NUP98: variants seen among roughly 807,000 people sequenced by gnomAD.
NUP98 encodes the protein nuclear pore complex protein Nup98-Nup96.
A neutral mutation model predicts 191.9 loss-of-function variants in NUP98; 26 were observed. That is an observed-to-expected ratio of 0.14 (90% CI 0.10 to 0.19). The LOEUF is 0.19. Ranked by LOEUF, NUP98 falls within the 10% of genes least tolerant of loss-of-function variation. NUP98 has a pLI of 1.00. For synonymous variants in NUP98, 808 were observed against 778.4 expected (o/e 1.04, Z -0.63); for missense variants, 1,941 against 2,178.8 (o/e 0.89, Z 2.17).
chr11:3,774,986 T>C (rs1254715409), intron 5 of NUP98, among the ~76,000 whole-genome samples: 1 of 152,216 alleles, frequency 6.6e-6, no homozygotes, highest in Non-Finnish European at 1.5e-5. Context: ...AGATTTCCAT[T>C]AGGCTAACTG....
rs561404562 is a variant in NUP98, at chr11:3,685,128, CAT to C, written c.4676+843_4676+844del. On this transcript the variant is annotated intron_variant, in intron 29 of 32. Transcript: ENST00000324932. ...TAATATATATGGTATACAATATAAA[CAT>C]GTGTAAAAGCACTTCAAGTACTACA... Among the ~76,000 whole-genome samples the C allele has an allele frequency of 6.9e-3, 1,034 of 149,354 alleles. 7 individuals carry two copies. The highest frequency in any genetic ancestry group is 0.01 in the Non-Finnish European group (691 of 67,344).
Position 3,686,055 on chromosome 11 carries a change from G to A in NUP98, c.4594C>T (p.Gln1532Ter). The A allele has an allele frequency of 6.2e-7, 1 of 1,614,206 alleles. No homozygotes were observed. Residue 1532 changes from glutamine (Q) to a stop codon, truncating the protein, a stop_gained, in exon 29 of 33, where the codon CAG becomes TAG. Transcript: ENST00000324932. LOFTEE classifies it high-confidence loss of function. ...HLSAQCEGVLQASYAGQLESE... is the reference protein window; with the variant it reads ...HLSAQCEGVL Reference sequence around the variant, plus strand: ...TCAAGCTGGCCAGCGTAACTGGCCTGTAGCACACCTTCACACTGCGCTGAG... The same window carrying A: ...TCAAGCTGGCCAGCGTAACTGGCCTATAGCACACCTTCACACTGCGCTGAG...
At chr11:3,699,404 A>G (rs756805799) in intron 24 of NUP98, 56 bp from the exon 25 acceptor site, 2 of 1,581,814 alleles carry the variant, frequency 1.3e-6, no homozygotes, top group Non-Finnish European at 8.7e-7. Context: ...ACAACTTCAC[A>G]GAGGGCATCC....
intron 11 of NUP98, among the ~76,000 whole-genome samples, chr11:3,746,294 AGACAGCTTTGGGAC>A (rs2080498217): frequency 2.3e-3 from 214 of 92,986 alleles, no homozygotes; most frequent in African/African-American, 5.0e-3. Context: ...AAAAAAAAAA[AGACAGCTTTGGGAC>A]AAAGAATAAG....
intron 23 of NUP98, among the ~76,000 whole-genome samples, chr11:3,702,130 C>G (rs1382439976): frequency 6.6e-6 from 1 of 151,806 alleles, no homozygotes; most frequent in Non-Finnish European, 1.5e-5. Context: ...CCCAGCTTAT[C>G]AGGAGGCTGA....
intron 9 of NUP98, among the ~76,000 whole-genome samples, chr11:3,762,306 G>A (rs908599156): frequency 1.3e-5 from 2 of 150,810 alleles, no homozygotes; most frequent in Admixed American, 1.3e-4. Flanking sequence ...ATTTTTAGGA[G>A]AGACGGGGTT....
Position 3,754,395 on chromosome 11 carries a change from T to C in NUP98, c.1175-987A>G, listed in dbSNP as rs569920819. On this transcript the variant is annotated intron_variant, in intron 10 of 32. Transcript: ENST00000324932. ...GAGCCAAGATCGTGCCACTGCACTC[T>C]AGCATGGATAGAGTGAGACTCTGTT... Among the ~76,000 whole-genome samples the C allele has an allele frequency of 3.9e-5, 6 of 152,192 alleles. No homozygotes were observed. The South Asian group carries it at 1.0e-3, about 26-fold the overall frequency.
intron 1 of NUP98, among the ~76,000 whole-genome samples, chr11:3,791,236 T>C (rs1270562031): frequency 1.3e-5 from 2 of 152,008 alleles, no homozygotes; most frequent in African/African-American, 4.8e-5. Flanking sequence ...ACTATGGTTA[T>C]TAAGATTTGG....
chr11:3,704,406 A>G (rs904165064), intron 22 of NUP98, among the ~76,000 whole-genome samples: 2 of 152,232 alleles, frequency 1.3e-5, no homozygotes, highest in Admixed American at 6.5e-5. Context: ...TCAAATATGT[A>G]ATCACTTCCC....
At chr11:3,688,059 T>C (rs987479277) in intron 28 of NUP98, among the ~76,000 whole-genome samples, 2 of 152,030 alleles carry the variant, frequency 1.3e-5, no homozygotes, top group South Asian at 2.1e-4. Context: ...GATGATTGTA[T>C]AGCAATGTGA....
At chr11:3,758,698 T>G (rs944038420) in intron 10 of NUP98, among the ~76,000 whole-genome samples, 2 of 151,800 alleles carry the variant, frequency 1.3e-5, no homozygotes, top group Admixed American at 1.3e-4. Flanking sequence ...GACAGGAAAA[T>G]CACTCCAACC....
At chr11:3,753,292 G>GATCT in intron 11 of NUP98, 24 bp downstream of exon 11, 1 of 1,567,408 alleles carries the variant, frequency 6.4e-7, no homozygotes, top group Non-Finnish European at 8.8e-7. Context: ...TCACTTCCTA[G>GATCT]ATCTCATGGT....
At chr11:3,787,775 C>T (rs543946689) in intron 1 of NUP98, among the ~76,000 whole-genome samples, 24 of 152,120 alleles carry the variant, frequency 1.6e-4, no homozygotes, top group African/African-American at 4.3e-4. Context: ...GGGCAGATCA[C>T]GAGGTCAAGA....
chr11:3,797,096 G>C (rs545674531), intron 1 of NUP98, among the ~76,000 whole-genome samples: 1 of 152,250 alleles, frequency 6.6e-6, no homozygotes, highest in African/African-American at 2.4e-5. Flanking sequence ...GCCCACCGTG[G>C]GGTCCTTACA....
At chr11:3,755,250 G>T (rs994319146) in intron 10 of NUP98, among the ~76,000 whole-genome samples, 2 of 150,396 alleles carry the variant, frequency 1.3e-5, no homozygotes, top group Non-Finnish European at 3.0e-5. Flanking sequence ...GAGGAAAGGA[G>T]TTTAAGACTA....
intron 14 of NUP98, among the ~76,000 whole-genome samples, chr11:3,727,079 T>C (rs2079648537): frequency 6.6e-6 from 1 of 152,162 alleles, no homozygotes; most frequent in East Asian, 1.9e-4. Context: ...TATTACCTTA[T>C]ACAAACTTTT....
chr11:3,791,668 C>A lies in NUP98; in HGVS notation c.-29+5732G>T, dbSNP rs2082356311. Reference sequence around the variant, plus strand: ...GACCAGCCTGACCAACATGATGAAACCCTGTCTCTGCTAAAAATACAAAAA... The same window carrying A: ...GACCAGCCTGACCAACATGATGAAAACCTGTCTCTGCTAAAAATACAAAAA... On this transcript the variant is annotated intron_variant, in intron 1 of 32. Transcript: ENST00000324932. Among the ~76,000 whole-genome samples the A allele has an allele frequency of 2.0e-5, 3 of 150,534 alleles. No individual in the cohort carries two copies. In the South Asian group the frequency reaches 6.3e-4, roughly 32 times the overall value.
rs201217771 is a variant in NUP98, at chr11:3,679,461, TTCTCAAGTGTA to T, written c.5073+82_5073+92del. 3,190 of 1,391,292 alleles carry T rather than the reference TTCTCAAGTGTA, an allele frequency of 2.3e-3. 29 individuals are homozygous for T. In the African/African-American group the frequency reaches 0.031, roughly 14 times the overall value. The allele number at this position is 1,391,292 out of a possible 1,614,324, so 86.2% of individuals were successfully genotyped here. On this transcript the variant is annotated intron_variant, in intron 31 of 32. Transcript: ENST00000324932. ...TGACAGTGCTATCTCTGTCAGTGCA[TTCTCAAGTGTA>T]TACTAAGGCCTTGTGAGGTATCTGA...
chr11:3,791,533 CAAAAAAAA>C (rs71041395), intron 1 of NUP98, among the ~76,000 whole-genome samples: 15 of 67,212 alleles, frequency 2.2e-4, no homozygotes, highest in African/African-American at 8.0e-4. Context: ...GACCTCGTCT[CAAAAAAAA>C]AAAAAAAAAA....
Sources: allele counts gnomAD v4.1 joint callset (sites outside exome capture counted in the v4.1 genomes callset), GRCh38; gene constraint gnomAD v4.1.1; transcripts MANE v1.5; gene names NCBI Gene and HGNC (gene_info 2026-07-23, HGNC 2026-07-21).